Variants in GLOD4 observed in about 807,000 individuals in gnomAD.
GLOD4 encodes the protein glyoxalase domain-containing protein 4.
Under a neutral mutation model 39.1 loss-of-function variants are expected in GLOD4, and 44 were observed. The ratio of observed to expected loss-of-function variants is 1.13; its 90% confidence interval spans 0.88 to 1.45. GLOD4 has a LOEUF of 1.45. GLOD4 is among the 40% of genes most tolerant of loss of function. GLOD4 has a pLI of 0.00. For missense variants in GLOD4, 405 were observed against 366.4 expected (o/e 1.11, Z -0.86); for synonymous variants, 145 against 135.0 (o/e 1.07, Z -0.52).
At chr17:784,579 A>G (rs1910444162), upstream of GLOD4, among the ~76,000 whole-genome samples, 1 of 152,034 alleles carries the variant, frequency 6.6e-6, no homozygotes, top group African/African-American at 2.4e-5. Context: ...AGGTGTGCTT[A>G]CAGTGGCCAA....
In GLOD4 at chr17:775,812, A is replaced by G. The variant is rs1272538058; in HGVS notation, c.369T>C (p.Tyr123=). The G allele has an allele frequency of 4.3e-6, 7 of 1,613,908 alleles. No individual in the cohort carries two copies. In the Admixed American group the frequency reaches 1.0e-4, roughly 23 times the overall value. The change falls in exon 4 of 9, where the codon TAT becomes TAC. Residue 123 remains tyrosine, a synonymous_variant. Coordinates refer to ENST00000301329, the MANE Select transcript of GLOD4 (RefSeq NM_016080.4). ...GVFETEAPGG[Y]KFYLQNRSLP... ...GACTGCGATTCTGCAAATAGAACTT[A>G]TATCCTCCCGGGGCCTCGGTTTCAA...
At chr17:777,325 T>G (rs558449289) in intron 2 of GLOD4, 8 of 253,170 alleles carry the variant, frequency 3.2e-5, no homozygotes, top group Non-Finnish European at 5.5e-5. Context: ...GGCCTTGGAC[T>G]GTTCCAACTT....
intron 8 of GLOD4, among the ~76,000 whole-genome samples, chr17:763,057 G>C (rs369158797): frequency 3.3e-5 from 5 of 151,930 alleles, no homozygotes; most frequent in African/African-American, 1.2e-4. Flanking sequence ...GGCGCCTGTA[G>C]TCCCAGCTAC....
At chr17:785,657 T>C (rs573555637), upstream of GLOD4, among the ~76,000 whole-genome samples, 2 of 152,336 alleles carry the variant, frequency 1.3e-5, no homozygotes, top group East Asian at 3.9e-4. Flanking sequence ...TACAGCCCCT[T>C]CGTTTTGCAG....
chr17:774,397 G>C (rs1653990511), intron 4 of GLOD4, among the ~76,000 whole-genome samples: 5 of 152,240 alleles, frequency 3.3e-5, no homozygotes, highest in Admixed American at 3.3e-4. Flanking sequence ...GTCGGCACAA[G>C]TGCCCTTGCC....
intron 8 of GLOD4, among the ~76,000 whole-genome samples, chr17:766,441 C>T (rs900044701): frequency 6.6e-6 from 1 of 151,498 alleles, no homozygotes; most frequent in African/African-American, 2.4e-5. Flanking sequence ...ACTAAAAATA[C>T]AAAAATTAGC....
At chr17:783,151 G>T, upstream of GLOD4, 2 of 1,614,014 alleles carry the variant, frequency 1.2e-6, no homozygotes, top group East Asian at 2.2e-5. Flanking sequence ...CTGGAAGGTC[G>T]CAGGCTCATT....
chr17:783,861 C>A (rs368741958), upstream of GLOD4, among the ~76,000 whole-genome samples: 1 of 152,194 alleles, frequency 6.6e-6, no homozygotes, highest in Non-Finnish European at 1.5e-5. Flanking sequence ...CTCAAACCTT[C>A]TATTTTTTAG....
At chr17:782,821 C>T (rs1567797949), upstream of GLOD4, 4 of 1,013,060 alleles carry the variant, frequency 3.9e-6, no homozygotes, top group Non-Finnish European at 5.6e-6. Flanking sequence ...GCACAGAGGG[C>T]CGAATAAGCG....
intron 2 of GLOD4, chr17:778,432 G>T (rs952504856): frequency 1.8e-6 from 1 of 565,870 alleles, no homozygotes; most frequent in African/African-American, 1.9e-5. Flanking sequence ...TCCCACAGGT[G>T]TTGTATGAGA....
rs1458480710 is a variant in GLOD4, at chr17:771,215, T to C, written c.543+110A>G. The C allele has an allele frequency of 4.5e-6, 3 of 661,588 alleles. No individual in the cohort carries two copies. The East Asian group carries it at 8.3e-5, about 18-fold the overall frequency. 41.0% of individuals were successfully genotyped at this position (661,588 alleles called of 1,614,324 possible). On this transcript the variant is annotated intron_variant, in intron 5 of 8. Coordinates refer to ENST00000301329, the MANE Select transcript of GLOD4 (RefSeq NM_016080.4). ...ATATTGAATCACTGTGAAGAAACTA[T>C]GGGAACAACCTTCATGTTAACTTCA...
rs759302550 is a variant in GLOD4 at position 770,030 on chromosome 17, T to C, written c.744+14A>G. ...CCCCTGGTCCAGCCTGCCCCCTGCC[T>C]GAGAAATACTTACAGGGTCGGCCAG... On this transcript the variant is annotated intron_variant, in intron 7 of 8. Transcript: ENST00000301329. The C allele has an allele frequency of 1.3e-6, 2 of 1,582,786 alleles. No individual in the cohort carries two copies. Among genetic ancestry groups the C allele is most frequent in the Admixed American group, 3.3e-5 (2 of 59,968 alleles).
Position 759,971 on chromosome 17 carries a change from T to G in GLOD4, c.*202A>C. 7.1e-6 allele frequency: 4 copies of G among 565,352 alleles called. No homozygotes were observed. Among genetic ancestry groups the G allele is most frequent in the South Asian group, 2.3e-5 (1 of 44,120 alleles). 35.0% of individuals were successfully genotyped at this position (565,352 alleles called of 1,614,324 possible). A position where few individuals can be genotyped will look rare whatever the true frequency, so the allele number is the denominator to read the frequency against. On this transcript the variant is annotated 3_prime_UTR_variant, in exon 9 of 9. Coordinates refer to ENST00000301329, the MANE Select transcript of GLOD4 (RefSeq NM_016080.4). ...GCAACAGTGTAGATTACAGCAGGCG[T>G]TCTCTACCTGGACTCATGATTGGAT...
Position 775,881 on chromosome 17 carries a change from G to T in GLOD4, c.300C>A (p.Ala100=), listed in dbSNP as rs767517153. ...TLASSQAVSN[A]RKLEWPLTEV... is the part of the protein sequence containing the mutation. ...CCGTCAGTGGCCACTCCAGCTTCCT[G>T]GCGTTGCTGACAGCCTGGCTAGAAG... is the stretch of plus-strand genomic sequence containing the variant. Residue 100 remains alanine (A), a synonymous_variant, in exon 4 of 9, where the codon GCC becomes GCA. Coordinates refer to ENST00000301329, the MANE Select transcript of GLOD4 (RefSeq NM_016080.4). 1.9e-6 allele frequency: 3 copies of T among 1,613,350 alleles called. No individual in the cohort carries two copies. In the East Asian group the frequency reaches 6.7e-5, roughly 36 times the overall value.
At chr17:775,473 C>T (rs1425396292) in intron 4 of GLOD4, among the ~76,000 whole-genome samples, 1 of 152,270 alleles carries the variant, frequency 6.6e-6, no homozygotes, top group South Asian at 2.1e-4. Flanking sequence ...CTATAGAATG[C>T]CTGCTCTGTG....
intron 5 of GLOD4, chr17:770,804 G>A: frequency 3.6e-6 from 1 of 274,630 alleles, no homozygotes; most frequent in Non-Finnish European, 6.9e-6. Context: ...CAATCTTTTT[G>A]CTAGCGACAT....
chr17:772,520 A>G (rs767404999), intron 4 of GLOD4, among the ~76,000 whole-genome samples: 1 of 152,188 alleles, frequency 6.6e-6, no homozygotes, highest in East Asian at 1.9e-4. Context: ...AGGAATTACA[A>G]TCAAAACTAG....
chr17:762,898 T>G (rs185473341), intron 8 of GLOD4, among the ~76,000 whole-genome samples: 1 of 152,222 alleles, frequency 6.6e-6, no homozygotes. Context: ...AGAATGTGGC[T>G]GGGCGCGGTG....
intron 8 of GLOD4, among the ~76,000 whole-genome samples, chr17:769,307 C>T (rs533055707): frequency 1.4e-5 from 2 of 143,824 alleles, no homozygotes; most frequent in East Asian, 4.2e-4. Context: ...GAGGCATCTC[C>T]ATGGCAAGAG....
Sources: gnomAD v4.1 joint callset for allele counts (sites outside exome capture counted in the v4.1 genomes callset) on GRCh38, gnomAD v4.1.1 for gene constraint, MANE v1.5 for transcripts, NCBI Gene and HGNC (gene_info 2026-07-23, HGNC 2026-07-21) for gene names.